GABRR2: variants seen among roughly 807,000 people sequenced by gnomAD.
GABRR2 encodes gamma-aminobutyric acid type A receptor subunit rho2.
GABRR2 carries 36 observed loss-of-function variants against 47.0 expected under a neutral mutation model. The observed-to-expected ratio is 0.77, with a 90% CI of 0.59 to 1.01. The LOEUF (loss-of-function observed/expected upper bound fraction) is 1.01. Ranked by LOEUF, GABRR2 falls within the 50% of genes least tolerant of loss-of-function variation. The pLI, the probability that GABRR2 is intolerant of heterozygous loss-of-function variation, is 0.00. For missense variants in GABRR2, 587 were observed against 594.6 expected (o/e 0.99, Z 0.13); for synonymous variants, 204 against 227.5 (o/e 0.90, Z 0.93).
intron 2 of GABRR2, among the ~76,000 whole-genome samples, chr6:89,289,152 A>G (rs1330879490): frequency 6.6e-6 from 1 of 152,194 alleles, no homozygotes; most frequent in Non-Finnish European, 1.5e-5. Flanking sequence ...GCTGTGAACA[A>G]ATGCTCGCAG....
At chr6:89,302,791 A>G in intron 1 of GABRR2, 2 of 1,441,722 alleles carry the variant, frequency 1.4e-6, no homozygotes, top group South Asian at 2.3e-5. Context: ...TACTTCGTGG[A>G]GTGGATCCCC....
At chr6:89,300,064 G>C (rs1370171178) in intron 1 of GABRR2, among the ~76,000 whole-genome samples, 199 bp from the exon 2 acceptor site, 5 of 152,316 alleles carry the variant, frequency 3.3e-5, no homozygotes, top group African/African-American at 1.2e-4. Flanking sequence ...TGAGGACCAG[G>C]TTCTTCTGGA....
intron 6 of GABRR2, among the ~76,000 whole-genome samples, chr6:89,265,977 ATC>A (rs1773886269): frequency 6.6e-6 from 1 of 152,166 alleles, no homozygotes; most frequent in Non-Finnish European, 1.5e-5. Context: ...TACATTTACT[ATC>A]TCAGTTGGTA....
At chr6:89,301,146 A>G (rs1767419981) in intron 1 of GABRR2, among the ~76,000 whole-genome samples, 1 of 152,112 alleles carries the variant, frequency 6.6e-6, no homozygotes. Context: ...CCACATTATT[A>G]TCTCAATGGA....
intron 7 of GABRR2, among the ~76,000 whole-genome samples, chr6:89,265,227 T>C (rs1282177870): frequency 6.6e-6 from 1 of 152,170 alleles, no homozygotes; most frequent in Non-Finnish European, 1.5e-5. Context: ...TCATATTCTG[T>C]GCCCTACCTC....
chr6:89,264,755 G>A (rs1773848919), intron 7 of GABRR2, 147 bp from the exon 8 acceptor site: 6 of 1,038,498 alleles, frequency 5.8e-6, no homozygotes, highest in Non-Finnish European at 8.4e-6. Flanking sequence ...GCAAGGATCT[G>A]CCCTACTAGC....
At chr6:89,263,567 G>A (rs1239140156) in intron 8 of GABRR2, among the ~76,000 whole-genome samples, 1 of 152,190 alleles carries the variant, frequency 6.6e-6, no homozygotes, top group Non-Finnish European at 1.5e-5. Context: ...CTGTCGCCCA[G>A]GCTGGAGTAC....
At chr6:89,302,928 C>A in intron 1 of GABRR2, 2 of 1,186,378 alleles carry the variant, frequency 1.7e-6, no homozygotes, top group Non-Finnish European at 2.4e-6. Flanking sequence ...CGGACATGTT[C>A]CAGCACAAGG....
At chr6:89,310,743 GGGT>G (rs1228518293) in intron 1 of GABRR2, among the ~76,000 whole-genome samples, 1 of 151,944 alleles carries the variant, frequency 6.6e-6, no homozygotes, top group African/African-American at 2.4e-5. Context: ...AAGCGGGAGG[GGGT>G]GGGGGGTGTG....
chr6:89,308,355 CTG>C (rs1314711182), intron 1 of GABRR2, among the ~76,000 whole-genome samples: 7 of 152,106 alleles, frequency 4.6e-5, no homozygotes, highest in Non-Finnish European at 1.0e-4. Context: ...AAATAAATGA[CTG>C]TTCGGTTTTT....
At chr6:89,266,621 G>T (rs1039116550) in intron 6 of GABRR2, among the ~76,000 whole-genome samples, 2 of 152,180 alleles carry the variant, frequency 1.3e-5, no homozygotes, top group African/African-American at 4.8e-5. Flanking sequence ...GTTGAGCTTG[G>T]TTCAACCCAG....
At chr6:89,280,255 CATACAT>C (rs1164025331) in intron 2 of GABRR2, among the ~76,000 whole-genome samples, 1 of 84,530 alleles carries the variant, frequency 1.2e-5, no homozygotes, top group African/African-American at 4.5e-5. Flanking sequence ...TATATATATA[CATACAT>C]ATACATATAC....
In GABRR2 at chr6:89,257,984, A is replaced by G. The variant is rs895030906; in HGVS notation, c.1087-3T>C. On this transcript the variant is annotated splice_polypyrimidine_tract_variant and splice_region_variant and intron_variant, in intron 8 of 8. Transcript: ENST00000402938. ...AGCATTCCACACATGCACGGGAACT[A>G]TGGGCAGCAAGCACAAAGAACATCA... is the stretch of plus-strand genomic sequence containing the variant. The G allele has an allele frequency of 2.5e-6, 4 of 1,611,158 alleles. No homozygotes were observed. Among genetic ancestry groups the G allele is most frequent in the African/African-American group, 1.3e-5 (1 of 74,898 alleles).
In GABRR2 at chr6:89,306,125, C is replaced by G. The variant is rs113621082; in HGVS notation, c.114-6260G>C. On this transcript the variant is annotated intron_variant, in intron 1 of 8. Transcript: ENST00000402938. ...AGTGCAGTGGCTCACATCTGTATTC[C>G]TATCACTTTGGAAGGCCCAGGTAGG... 8.2e-3 allele frequency among the ~76,000 whole-genome samples: 1,242 copies of G among 150,620 alleles called. 17 individuals carry two copies. The highest frequency in any genetic ancestry group is 0.029 in the African/African-American group (1,190 of 41,040).
intron 1 of GABRR2, among the ~76,000 whole-genome samples, chr6:89,301,605 A>G (rs979009707): frequency 6.6e-6 from 1 of 152,028 alleles, no homozygotes; most frequent in East Asian, 1.9e-4. Flanking sequence ...CAAATCAGGA[A>G]TGAAATCCCA....
rs199577106 is a variant in GABRR2, at chr6:89,269,197, T to G, written c.326A>C (p.Lys109Thr). The change falls in exon 4 of 9, where the codon AAG becomes ACG. Residue 109 changes from lysine to threonine, a missense_variant. Transcript: ENST00000402938. The stretch of plus-strand genomic sequence containing the variant: ...GCTGGAGAAAGCTAGCCTCTCATCC[T>G]TCCAGTAATGCCGCAGGTACAGGGT... ...TMTLYLRHYW[K>T]DERLAFSSAS... 3 of 1,614,032 alleles carry G rather than the reference T, an allele frequency of 1.9e-6. No individual in the cohort carries two copies. The highest frequency in any genetic ancestry group is 1.7e-6 in the Non-Finnish European group (2 of 1,179,892).
At chr6:89,290,426 G>A (rs1774416304) in intron 2 of GABRR2, among the ~76,000 whole-genome samples, 1 of 152,252 alleles carries the variant, frequency 6.6e-6, no homozygotes, top group Non-Finnish European at 1.5e-5. Flanking sequence ...GGCAGGCACA[G>A]GCAATGCAGC....
At chr6:89,258,147 AT>A (rs1342608908) in intron 8 of GABRR2, among the ~76,000 whole-genome samples, 166 bp from the exon 9 acceptor site, 15 of 152,364 alleles carry the variant, frequency 9.8e-5, no homozygotes, top group African/African-American at 3.4e-4. Context: ...GTGGCTGCAT[AT>A]TAGAATCATC....
chr6:89,280,152 T>G (rs569124625), intron 2 of GABRR2, among the ~76,000 whole-genome samples: 1 of 147,464 alleles, frequency 6.8e-6, no homozygotes, highest in Non-Finnish European at 1.5e-5. Context: ...GAGGTTGCAG[T>G]GAGCCAAGAT....
Sources: gnomAD v4.1 joint callset for allele counts (sites outside exome capture counted in the v4.1 genomes callset) on GRCh38, gnomAD v4.1.1 for gene constraint, MANE v1.5 for transcripts, NCBI Gene and HGNC (gene_info 2026-07-23, HGNC 2026-07-21) for gene names.